KCTD15: variants seen among roughly 807,000 people sequenced by gnomAD.
KCTD15 encodes BTB/POZ domain-containing protein KCTD15.
A neutral mutation model predicts 27.2 loss-of-function variants in KCTD15; 11 were observed. The ratio of observed to expected loss-of-function variants is 0.41; its 90% CI spans 0.25 to 0.67. KCTD15 has a LOEUF of 0.67. Among genes scored for constraint, KCTD15 ranks in the 30% least tolerant of loss-of-function variants. KCTD15 has a pLI of 0.35. For synonymous variants in KCTD15, 163 were observed against 176.0 expected, an observed-to-expected ratio of 0.93 and a Z score of 0.58; for missense variants, 350 against 409.3, an observed-to-expected ratio of 0.86 and a Z score of 1.25.
chr19:33,794,900 C>A (rs1975269881), upstream of KCTD15, among the ~76,000 whole-genome samples: 1 of 152,212 alleles, frequency 6.6e-6, no homozygotes, highest in South Asian at 2.1e-4. Flanking sequence ...GCCAGCGTGC[C>A]GAACGCGCAG....
chr19:33,806,438 G>A (rs896425711), intron 4 of KCTD15, among the ~76,000 whole-genome samples: 1 of 152,190 alleles, frequency 6.6e-6, no homozygotes, highest in Non-Finnish European at 1.5e-5. Context: ...TGGGTGTGTG[G>A]CTGTTGGCCG....
At chr19:33,811,614 G>T (rs1224195084) in intron 6 of KCTD15, 62 bp downstream of exon 6, 2 of 1,555,982 alleles carry the variant, frequency 1.3e-6, no homozygotes, top group Admixed American at 3.6e-5. Flanking sequence ...CCCTCCAGGG[G>T]CAGAGTGAGC....
chr19:33,804,807 C>T lies in KCTD15; in HGVS notation c.243-2056C>T, dbSNP rs979041381. The stretch of plus-strand genomic sequence containing the variant: ...CACCAGGCCTAGGGGGTTGACAGGG[C>T]TCATCGGCCTTTGGAGCTCTGAGAT... On this transcript the variant is annotated intron_variant, in intron 4 of 6. Coordinates refer to ENST00000683859, the MANE Select transcript of KCTD15 (RefSeq NM_001129994.2). Among the ~76,000 whole-genome samples the T allele has an allele frequency of 9.3e-4, 142 of 152,322 alleles. 3 individuals carry two copies. Among genetic ancestry groups the T allele is most frequent in the Middle Eastern group, 3.4e-3 (1 of 294 alleles).
chr19:33,806,829 C>T (rs1319391433), intron 4 of KCTD15, 34 bp from the exon 5 acceptor site: 3 of 1,607,220 alleles, frequency 1.9e-6, no homozygotes, highest in South Asian at 1.1e-5. Context: ...TGTCCCCATC[C>T]CTTCAGACAT....
chr19:33,796,829 TGGGTGG>T (rs1975330963), upstream of KCTD15: 1 of 9,144 alleles, frequency 1.1e-4, no homozygotes, highest in Non-Finnish European at 2.1e-4. Flanking sequence ...GCGGGAGGGG[TGGGTGG>T]GGGGAGGGTT....
intron 6 of KCTD15, chr19:33,811,963 G>A: frequency 6.6e-7 from 1 of 1,503,940 alleles, no homozygotes; most frequent in Non-Finnish European, 8.8e-7. Context: ...GGAGTCGCAG[G>A]CACCCACCAG....
At chr19:33,800,069 G>A (rs765697856) in intron 2 of KCTD15, among the ~76,000 whole-genome samples, 1 of 152,322 alleles carries the variant, frequency 6.6e-6, no homozygotes, top group Non-Finnish European at 1.5e-5. Flanking sequence ...TGGCTTGAAA[G>A]GAAAATACCA....
At chr19:33,803,625 C>G (rs1975628603) in intron 4 of KCTD15, among the ~76,000 whole-genome samples, 1 of 151,980 alleles carries the variant, frequency 6.6e-6, no homozygotes, top group Non-Finnish European at 1.5e-5. Flanking sequence ...AGTCACTGGT[C>G]CTCACCCGAG....
Position 33,811,450 on chromosome 19 carries a change from C to T in KCTD15, c.591C>T (p.Thr197=), listed in dbSNP as rs765513499. 29 of 1,612,778 alleles carry T rather than the reference C, an allele frequency of 1.8e-5. 1 individual carries two copies. The highest frequency in any genetic ancestry group is 6.7e-5 in the African/African-American group (5 of 74,928). ...KALIEEVFPE[T]GDVMCNSVNA... Reference sequence around the variant, plus strand: ...TCATCGAGGAGGTCTTCCCCGAGACCGGAGACGTCATGTGCAACTCCGTCA... The same window carrying T: ...TCATCGAGGAGGTCTTCCCCGAGACTGGAGACGTCATGTGCAACTCCGTCA... Residue 197 remains threonine, a synonymous_variant, in exon 6 of 7, where the codon ACC becomes ACT. Transcript: ENST00000683859.
At chr19:33,801,850 T>C (rs1975561411) in intron 4 of KCTD15, 1 of 152,546 alleles carries the variant, frequency 6.6e-6, no homozygotes, top group Non-Finnish European at 1.5e-5. Flanking sequence ...GTGCCATCTT[T>C]GTCATTTTCC....
intron 4 of KCTD15, among the ~76,000 whole-genome samples, chr19:33,802,221 G>A (rs189619978): frequency 4.6e-5 from 7 of 152,124 alleles, no homozygotes; most frequent in African/African-American, 1.2e-4. Context: ...ACAGAGAGGC[G>A]GTCATCGCTC....
chr19:33,794,270 T>C (rs1568371776), upstream of KCTD15, among the ~76,000 whole-genome samples: 1 of 152,124 alleles, frequency 6.6e-6, no homozygotes, highest in Non-Finnish European at 1.5e-5. Flanking sequence ...AGTCTTGGAG[T>C]TGTGAATAAA....
At chr19:33,807,140 A>G (rs2145474114) in intron 5 of KCTD15, 133 bp downstream of exon 5, 3 of 1,123,430 alleles carry the variant, frequency 2.7e-6, no homozygotes, top group South Asian at 3.1e-5. Context: ...CGAGGGCTAA[A>G]TCAGTTTTTC....
intron 4 of KCTD15, chr19:33,801,716 C>T (rs1456891254): frequency 5.5e-6 from 1 of 183,130 alleles, no homozygotes; most frequent in African/African-American, 2.3e-5. Flanking sequence ...TGCAGGGGGT[C>T]ATTTGTGAGT....
chr19:33,813,560 G>A lies in KCTD15; in HGVS notation c.*612G>A. 1 of 362,246 alleles carries A rather than the reference G, an allele frequency of 2.8e-6. No individual in the cohort carries two copies. The highest frequency in any genetic ancestry group is 5.4e-6 in the Non-Finnish European group (1 of 184,278). The allele number at this position is 362,246 out of a possible 1,614,324, so 22.4% of individuals were successfully genotyped here. A position where few individuals can be genotyped will look rare whatever the true frequency, so the allele number is the denominator to read the frequency against. On this transcript the variant is annotated 3_prime_UTR_variant, in exon 7 of 7. Coordinates refer to ENST00000683859, the MANE Select transcript of KCTD15 (RefSeq NM_001129994.2). ...ATGCAGGGATGTGTGCTGCAGGGCT[G>A]CTGGGAGGAGAGTGGTGGGGGCCTG...
At position 33,811,899 on chromosome 19, in the gene KCTD15, C is replaced by A; in HGVS notation, c.693+347C>A. ...AACCCAGGCAACAGGCGAGGCAGGACAGAGGCTGAGTGGAAAGGTGGTCTG... is the reference window on the plus strand; with the variant it reads ...AACCCAGGCAACAGGCGAGGCAGGAAAGAGGCTGAGTGGAAAGGTGGTCTG... On this transcript the variant is annotated intron_variant, in intron 6 of 6. Coordinates refer to ENST00000683859, the MANE Select transcript of KCTD15 (RefSeq NM_001129994.2). 2.5e-6 allele frequency: 4 copies of A among 1,578,984 alleles called. No individual in the cohort carries two copies. In the South Asian group the frequency reaches 4.7e-5, roughly 19 times the overall value.
intron 6 of KCTD15, 153 bp downstream of exon 6, chr19:33,811,705 TTATGTCCCTCTCATAATTAAATGA>T: frequency 6.5e-7 from 1 of 1,540,362 alleles, no homozygotes; most frequent in East Asian, 2.2e-5. Context: ...GATGCATAAT[TTATGTCCCTCTCATAATTAAATGA>T]TGGCGCCTGG....
In KCTD15 at chr19:33,801,205, G is replaced by A. The variant is rs371149520; in HGVS notation, c.105G>A (p.Ser35=). ...GNMSRLSLTR[S]PVSPLAAQGI... is the part of the protein sequence containing the mutation. ...TGTCCCGGCTGTCTCTCACCCGGTC[G>A]CCTGTGTCTCCCCTGGCTGCCCAGG... Residue 35 remains serine (S), a synonymous_variant, in exon 4 of 7, where the codon TCG becomes TCA. Transcript: ENST00000683859. 6 of 1,611,932 alleles carry A rather than the reference G, an allele frequency of 3.7e-6. No homozygotes were observed. In the African/African-American group the frequency reaches 5.3e-5, roughly 14 times the overall value.
chr19:33,812,434 G>A, intron 6 of KCTD15: 1 of 1,071,578 alleles, frequency 9.3e-7, no homozygotes, highest in Non-Finnish European at 1.1e-6. Flanking sequence ...GGACACTTGG[G>A]GCCATGTGTC....
Sources: allele counts gnomAD v4.1 joint callset (sites outside exome capture counted in the v4.1 genomes callset), GRCh38; gene constraint gnomAD v4.1.1; transcripts MANE v1.5; gene names NCBI Gene and HGNC (gene_info 2026-07-23, HGNC 2026-07-21).